The following VPS13D variants were observed in gnomAD, a reference collection of about 807,000 sequenced individuals.
VPS13D encodes the protein intermembrane lipid transfer protein VPS13D.
VPS13D carries 187 observed loss-of-function variants against 461.9 expected under a neutral mutation model. That is an observed-to-expected ratio of 0.40 (90% CI 0.36 to 0.46). VPS13D has a LOEUF of 0.46. Among genes scored for constraint, VPS13D ranks in the 20% least tolerant of loss-of-function variants. VPS13D has a pLI of 0.60. For synonymous variants in VPS13D, 1,951 were observed against 1,986.3 expected (o/e 0.98, Z 0.47); for missense variants, 4,711 against 5,364.9 (o/e 0.88, Z 3.81).
At chr1:12,259,619 T>C (rs1466690510) in intron 10 of VPS13D, among the ~76,000 whole-genome samples, 1 of 152,108 alleles carries the variant, frequency 6.6e-6, no homozygotes, top group African/African-American at 2.4e-5. Flanking sequence ...ATGATTTTCT[T>C]AAAGGCACAC....
chr1:12,253,627 C>G, intron 6 of VPS13D, 95 bp from the exon 7 acceptor site: 1 of 994,044 alleles, frequency 1.0e-6, no homozygotes, highest in East Asian at 2.5e-5. Flanking sequence ...TGCAAAGTAC[C>G]TGACACATGA....
intron 35 of VPS13D, among the ~76,000 whole-genome samples, chr1:12,324,128 C>T (rs1479462075): frequency 6.6e-6 from 1 of 152,056 alleles, no homozygotes; most frequent in Non-Finnish European, 1.5e-5. Context: ...AGACTGGTCT[C>T]GAACTCCTGA....
At chr1:12,274,848 C>T (rs997227955) in intron 18 of VPS13D, among the ~76,000 whole-genome samples, 5 of 152,128 alleles carry the variant, frequency 3.3e-5, no homozygotes, top group Non-Finnish European at 7.4e-5. Context: ...CTTTGGGAGG[C>T]TGAGGTGGGT....
chr1:12,433,187 A>G (rs1466182616), intron 65 of VPS13D, among the ~76,000 whole-genome samples: 1 of 152,114 alleles, frequency 6.6e-6, no homozygotes, highest in Non-Finnish European at 1.5e-5. Flanking sequence ...TCCCAGCCAC[A>G]CTGTCCTCCC....
intron 46 of VPS13D, among the ~76,000 whole-genome samples, chr1:12,352,616 T>G (rs549015118): frequency 6.6e-6 from 1 of 152,198 alleles, no homozygotes; most frequent in African/African-American, 2.4e-5. Context: ...AAGTAGCTAG[T>G]AGGAGTGTAA....
intron 24 of VPS13D, among the ~76,000 whole-genome samples, chr1:12,294,258 A>C (rs1300509704): frequency 6.6e-6 from 1 of 152,226 alleles, no homozygotes; most frequent in Non-Finnish European, 1.5e-5. Context: ...AACCACAATG[A>C]CTGGTAGGAG....
chr1:12,379,651 A>G (rs1317377387), intron 57 of VPS13D, 55 bp downstream of exon 57: 9 of 1,348,938 alleles, frequency 6.7e-6, no homozygotes, highest in Admixed American at 1.8e-5. Context: ...CTTCTTTGAA[A>G]CAAAGTCTCT....
chr1:12,489,801 ACTC>A (rs1645851404), intron 67 of VPS13D, among the ~76,000 whole-genome samples: 1 of 151,954 alleles, frequency 6.6e-6, no homozygotes. Flanking sequence ...TGACTTATCT[ACTC>A]CTCACAACAA....
chr1:12,342,713 G>A (rs1643596745), intron 41 of VPS13D, 186 bp from the exon 42 acceptor site: 4 of 530,406 alleles, frequency 7.5e-6, no homozygotes, highest in Non-Finnish European at 1.3e-5. Context: ...TGTCAAATAA[G>A]TTGTGATTCA....
intron 54 of VPS13D, among the ~76,000 whole-genome samples, chr1:12,372,502 G>T (rs1449364962): frequency 1.3e-5 from 2 of 152,058 alleles, no homozygotes; most frequent in Non-Finnish European, 2.9e-5. Flanking sequence ...AGTCATTTGT[G>T]TATATTATTT....
intron 58 of VPS13D, 123 bp from the exon 59 acceptor site, chr1:12,385,137 C>T (rs1188231351): frequency 4.0e-6 from 3 of 741,274 alleles, no homozygotes; most frequent in Non-Finnish European, 6.5e-6. Context: ...CTTTGGAAAC[C>T]ATTCGCTTCC....
At chr1:12,439,154 C>T (rs921308875) in intron 65 of VPS13D, among the ~76,000 whole-genome samples, 2 of 152,198 alleles carry the variant, frequency 1.3e-5, no homozygotes, top group Admixed American at 6.5e-5. Context: ...TTTCACTCCA[C>T]ATAGAAAATT....
At chr1:12,393,441 C>T (rs1002352723) in intron 60 of VPS13D, among the ~76,000 whole-genome samples, 2 of 152,238 alleles carry the variant, frequency 1.3e-5, no homozygotes, top group African/African-American at 2.4e-5. Context: ...AAGTCAGTGG[C>T]TGCATACCAG....
chr1:12,393,989 C>G (rs1644462609), intron 60 of VPS13D, among the ~76,000 whole-genome samples: 1 of 152,176 alleles, frequency 6.6e-6, no homozygotes, highest in Non-Finnish European at 1.5e-5. Context: ...AAATCAACGT[C>G]AGCTCAGAGC....
chr1:12,304,649 T>TG lies in VPS13D; in HGVS notation c.6361dup (p.Glu2121GlyfsTer25). 6.2e-7 allele frequency: 1 copy of TG among 1,613,012 alleles called. No individual in the cohort carries two copies. The highest frequency in any genetic ancestry group is 8.5e-7 in the Non-Finnish European group (1 of 1,179,824). ...GAATGAGCCTAGGAAGCCTGAAGAGTGAGTTTGTGCCCAGTACCTCCACCA... is the reference window on the plus strand; with the variant it reads ...GAATGAGCCTAGGAAGCCTGAAGAGTGGAGTTTGTGCCCAGTACCTCCACCA... On this transcript the variant is annotated frameshift_variant, in exon 26 of 70. Transcript: ENST00000620676. LOFTEE classifies it high-confidence loss of function.
At chr1:12,378,113 A>G (rs1644225718) in intron 55 of VPS13D, among the ~76,000 whole-genome samples, 1 of 152,132 alleles carries the variant, frequency 6.6e-6, no homozygotes, top group Admixed American at 6.6e-5. Flanking sequence ...CTAGTGTAGG[A>G]GGCTGCCCCG....
chr1:12,347,193 C>T (rs900874915), intron 44 of VPS13D, among the ~76,000 whole-genome samples: 15 of 150,758 alleles, frequency 9.9e-5, no homozygotes, highest in East Asian at 3.9e-4. Flanking sequence ...TTTTTTGAGA[C>T]GGAGTCTCGC....
chr1:12,306,256 G>C (rs564399385), intron 26 of VPS13D, among the ~76,000 whole-genome samples: 6 of 152,336 alleles, frequency 3.9e-5, no homozygotes, highest in Non-Finnish European at 8.8e-5. Context: ...AGAGGCAAAG[G>C]CTTGCAGAGA....
rs1485189096 is a variant in VPS13D at position 12,277,356 on chromosome 1, T to C, written c.3768T>C (p.Ser1256=). The C allele has an allele frequency of 6.2e-7, 1 of 1,614,242 alleles. No individual in the cohort carries two copies. The highest frequency in any genetic ancestry group is 1.1e-5 in the South Asian group (1 of 91,088). ...TCAGTGATATTGGCTACTTTGAATCTGTGTTTGTCAGAATGGAAGATGCAG... is the reference window on the plus strand; with the variant it reads ...TCAGTGATATTGGCTACTTTGAATCCGTGTTTGTCAGAATGGAAGATGCAG... ...NIISDIGYFE[S]VFVRMEDAAL... is the part of the protein sequence containing the mutation. Residue 1256 remains serine, a synonymous_variant, in exon 19 of 70, where the codon TCT becomes TCC. Transcript: ENST00000620676.
Sources: gnomAD v4.1 joint callset for allele counts (sites outside exome capture counted in the v4.1 genomes callset) on GRCh38, gnomAD v4.1.1 for gene constraint, MANE v1.5 for transcripts, NCBI Gene and HGNC (gene_info 2026-07-23, HGNC 2026-07-21) for gene names.